Variants in GABBR1 observed in about 807,000 individuals in gnomAD.
The protein encoded by GABBR1 is GABA-B receptor, R1 subunit.
GABBR1 carries 35 observed loss-of-function variants against 117.7 expected under a neutral mutation model. The observed-to-expected ratio is 0.30, with a 90% CI of 0.23 to 0.39. The LOEUF (loss-of-function observed/expected upper bound fraction) is 0.39, where lower values mean the gene tolerates loss of function less well. Ranked by LOEUF, GABBR1 falls within the 10% of genes least tolerant of loss-of-function variation. GABBR1 has a pLI of 1.00. For synonymous variants in GABBR1, 442 were observed against 486.6 expected (o/e 0.91, Z 1.21); for missense variants, 709 against 1,241.8 (o/e 0.57, Z 6.45).
At chr6:29,616,974 C>T (rs1428464487) in intron 11 of GABBR1, among the ~76,000 whole-genome samples, 3 of 141,142 alleles carry the variant, frequency 2.1e-5, no homozygotes, top group East Asian at 2.0e-4. Flanking sequence ...GGTGAAACCC[C>T]GTCTCTACTA....
rs765540037 is a variant in GABBR1, at chr6:29,608,679, T to C, written c.1914A>G (p.Ser638=). ...NLNNLTAVGC[S]LALAAVFPLG... ...GGGGGAAGACAGCAGCTAAAGCCAG[T>C]GAGCAGCCCACAGCAGTCAGGTTGT... The change falls in exon 16 of 23, where the codon TCA becomes TCG. Residue 638 remains serine, a synonymous_variant. Transcript: ENST00000377034. The C allele has an allele frequency of 4.3e-6, 7 of 1,612,952 alleles. No individual in the cohort carries two copies. The highest frequency in any genetic ancestry group is 2.7e-5 in the African/African-American group (2 of 75,008).
At position 29,606,644 on chromosome 6, in the gene GABBR1, G is replaced by T. The variant is rs993915111; in HGVS notation, c.2218-160C>A. On this transcript the variant is annotated intron_variant, in intron 18 of 22. Transcript: ENST00000377034. This position sits in a 1 kb window ranked among gnomAD's most constrained non-coding sequence, Gnocchi z 4.5. ...AGAATGTTTTCCTGAACCCTTGGAG[G>T]TGCTTGTTCCCCACTTTCCCTGATG... 3 of 654,514 alleles carry T rather than the reference G, an allele frequency of 4.6e-6. No homozygotes were observed. Among genetic ancestry groups the T allele is most frequent in the Non-Finnish European group, 8.1e-6 (3 of 370,092 alleles). The allele number at this position is 654,514 out of a possible 1,614,324, so 40.5% of individuals were successfully genotyped here.
chr6:29,623,386 G>A lies in GABBR1; in HGVS notation c.882C>T (p.Asn294=). The change falls in exon 8 of 23, where the codon AAC becomes AAT. Residue 294 remains asparagine (N), a synonymous_variant. Coordinates refer to ENST00000377034, the MANE Select transcript of GABBR1 (RefSeq NM_001470.4). This position sits in a 1 kb window ranked among gnomAD's most constrained non-coding sequence, Gnocchi z 6.2. ...FRTHPSATLH[N]PTRVKLFEKW... ...TTTCAAAGAGTTTCACGCGGGTAGG[G>A]TTGTGGAGTGTGGCTGATGGGTGCG... is the stretch of plus-strand genomic sequence containing the variant. 1 of 1,614,168 alleles carries A rather than the reference G, an allele frequency of 6.2e-7. No individual in the cohort carries two copies. The highest frequency in any genetic ancestry group is 8.5e-7 in the Non-Finnish European group (1 of 1,180,020).
intron 11 of GABBR1, among the ~76,000 whole-genome samples, chr6:29,614,186 G>C (rs1309339149): frequency 6.6e-6 from 1 of 152,192 alleles, no homozygotes. Context: ...TGGGTCAAGA[G>C]ACCTGACTTC....
chr6:29,626,475 C>A (rs187852076), intron 6 of GABBR1, among the ~76,000 whole-genome samples: 1 of 152,088 alleles, frequency 6.6e-6, no homozygotes, highest in Non-Finnish European at 1.5e-5. Context: ...TTCCCTGCAC[C>A]CCCAATTATT....
intron 5 of GABBR1, among the ~76,000 whole-genome samples, chr6:29,628,571 G>C (rs1764616231): frequency 6.6e-6 from 1 of 151,604 alleles, no homozygotes. Flanking sequence ...AAGAAAGGGA[G>C]ACAGGACATG....
At chr6:29,612,521 T>C (rs748875750) in intron 13 of GABBR1, 30 bp downstream of exon 13, 24 of 1,600,376 alleles carry the variant, frequency 1.5e-5, no homozygotes, top group Middle Eastern at 1.7e-4. Flanking sequence ...CTAGCCCCCA[T>C]GTCCGGTCCC....
Position 29,605,494 on chromosome 6 carries a change from T to C in GABBR1, c.2439+75A>G, listed in dbSNP as rs1761852757. 6.5e-7 allele frequency: 1 copy of C among 1,540,904 alleles called. No individual in the cohort carries two copies. Among genetic ancestry groups the C allele is most frequent in the African/African-American group, 1.4e-5 (1 of 72,728 alleles). ...AAGCAACCGATCCCAGATCTAGCATTGATTCTTCCTAGTCCTCTATATCTG... is the reference window on the plus strand; with the variant it reads ...AAGCAACCGATCCCAGATCTAGCATCGATTCTTCCTAGTCCTCTATATCTG... On this transcript the variant is annotated intron_variant, in intron 20 of 22. Transcript: ENST00000377034. This position sits in a 1 kb window ranked among gnomAD's most constrained non-coding sequence, Gnocchi z 4.2.
intron 6 of GABBR1, among the ~76,000 whole-genome samples, chr6:29,626,937 AG>A (rs1764335589): frequency 2.0e-5 from 3 of 152,142 alleles, no homozygotes; most frequent in African/African-American, 7.2e-5. Flanking sequence ...AAGGATGAGA[AG>A]GAGTCAGGTA....
chr6:29,621,253 A>C lies in GABBR1; in HGVS notation c.1171T>G (p.Phe391Val). The change falls in exon 11 of 23, where the codon TTC becomes GTC. Residue 391 changes from phenylalanine to valine, a missense_variant. Phe to Val is a conservative substitution (Grantham distance 50). Transcript: ENST00000377034. This position sits in a 1 kb window ranked among gnomAD's most constrained non-coding sequence, Gnocchi z 5.0. Reference sequence around the variant, plus strand: ...TTGTCAGCATACCACCCAATGAGGAACCAGACGTACTTCTTCCCAAAGAGA... The same window carrying C: ...TTGTCAGCATACCACCCAATGAGGACCCAGACGTACTTCTTCCCAAAGAGA... ...ERLFGKKYVW[F>V]LIGWYADNWF... is the part of the protein sequence containing the mutation. 6.2e-7 allele frequency: 1 copy of C among 1,613,076 alleles called. No individual in the cohort carries two copies. Among genetic ancestry groups the C allele is most frequent in the Non-Finnish European group, 8.5e-7 (1 of 1,180,014 alleles).
At position 29,620,999 on chromosome 6, in the gene GABBR1, A is replaced by G. The variant is rs1026539555; in HGVS notation, c.1323+102T>C. 1.0e-6 allele frequency: 1 copy of G among 955,256 alleles called. No individual in the cohort carries two copies. Among genetic ancestry groups the G allele is most frequent in the Non-Finnish European group, 1.5e-6 (1 of 646,062 alleles). The allele number at this position is 955,256 out of a possible 1,614,324, so 59.2% of individuals were successfully genotyped here. On this transcript the variant is annotated intron_variant, in intron 11 of 22. Coordinates refer to ENST00000377034, the MANE Select transcript of GABBR1 (RefSeq NM_001470.4). The surrounding 1 kb of genome is among the most constrained non-coding windows in gnomAD (Gnocchi z 4.5). ...GGCACAGCCCCCTCTTCTCCTTTAT[A>G]TCCAAATTCCGCACCCTCTCCCTGC...
At chr6:29,608,957 G>A (rs1406912098) in intron 15 of GABBR1, among the ~76,000 whole-genome samples, 1 of 152,206 alleles carries the variant, frequency 6.6e-6, no homozygotes, top group Non-Finnish European at 1.5e-5. Flanking sequence ...GCCCCCACTA[G>A]AATACAGGCT....
rs753492184 is a variant in GABBR1, at chr6:29,603,691, C to T, written c.2738G>A (p.Arg913His). ...AEKEERVSEL[R>H]HQLQSRQQLR... ...CTGCTGCCGAGACTGGAGTTGATGG[C>T]GCAGTTCAGAGACACGCTCCTCTTT... Residue 913 changes from arginine (R) to histidine (H), a missense_variant, in exon 23 of 23, where the codon CGC becomes CAC. Physicochemically the swap from Arg to His is conservative, Grantham distance 29. Coordinates refer to ENST00000377034, the MANE Select transcript of GABBR1 (RefSeq NM_001470.4). 2.4e-5 allele frequency: 36 copies of T among 1,505,064 alleles called. No homozygotes were observed. Among genetic ancestry groups the T allele is most frequent in the South Asian group, 2.8e-5 (2 of 72,514 alleles). The allele number at this position is 1,505,064 out of a possible 1,614,324, so 93.2% of individuals were successfully genotyped here. A position where few individuals can be genotyped will look rare whatever the true frequency, so the allele number is the denominator to read the frequency against.
At position 29,607,141 on chromosome 6, in the gene GABBR1, C is replaced by G; in HGVS notation, c.2070G>C (p.Thr690=). 1 of 1,614,184 alleles carries G rather than the reference C, an allele frequency of 6.2e-7. No homozygotes were observed. Among genetic ancestry groups the G allele is most frequent in the Non-Finnish European group, 8.5e-7 (1 of 1,180,028 alleles). The change falls in exon 17 of 23, where the codon ACG becomes ACC. Residue 690 remains threonine, a synonymous_variant. Transcript: ENST00000377034. This position sits in a 1 kb window ranked among gnomAD's most constrained non-coding sequence, Gnocchi z 5.0. ...SMFTKIWWVH[T]VFTKKEEKKE... The stretch of plus-strand genomic sequence containing the variant: ...TCTTTTCTTCCTTCTTTGTGAAGAC[C>G]GTGTGGACCCACCAAATCTTGGTGA...
Position 29,630,606 on chromosome 6 carries a change from A to G in GABBR1, c.327T>C (p.Asn109=). The G allele has an allele frequency of 6.2e-7, 1 of 1,612,952 alleles. No homozygotes were observed. The highest frequency in any genetic ancestry group is 8.5e-7 in the Non-Finnish European group (1 of 1,179,910). The part of the protein sequence containing the change: ...ICSKSYLTLE[N]GKVFLTGGDL... ...CCCCACCCGTCAGGAAAACCTTCCC[A>G]TTTTCCAGGGTCAAATAAGACTTGG... Residue 109 remains asparagine, a synonymous_variant, in exon 4 of 23, where the codon AAT becomes AAC. Coordinates refer to ENST00000377034, the MANE Select transcript of GABBR1 (RefSeq NM_001470.4). The surrounding 1 kb of genome is among the most constrained non-coding windows in gnomAD (Gnocchi z 4.9).
At chr6:29,617,059 T>C (rs981063070) in intron 11 of GABBR1, among the ~76,000 whole-genome samples, 14 of 151,294 alleles carry the variant, frequency 9.3e-5, no homozygotes, top group Non-Finnish European at 1.5e-4. Flanking sequence ...TTTTACCTGC[T>C]ATGAAATCTC....
Position 29,632,346 on chromosome 6 carries a change from G to T in GABBR1, c.40C>A (p.Pro14Thr). Residue 14 changes from proline to threonine, a missense_variant, in exon 2 of 23, where the codon CCC becomes ACC. Around this residue, in one of 9 missense-constraint regions of GABBR1, gnomAD observed 43 missense variants for 42.8 expected, o/e 1.00. Transcript: ENST00000377034. The surrounding 1 kb of genome is among the most constrained non-coding windows in gnomAD (Gnocchi z 5.8). ...GTCTGCGCCCCGCCCGCGCCCGGGG[G>T]GCGGAGGAAGAGTGGCGCCAGTAGC... ...LLLLAPLFLR[P>T]PGAGGAQTPN... 7.3e-7 allele frequency: 1 copy of T among 1,363,544 alleles called. No individual in the cohort carries two copies. The highest frequency in any genetic ancestry group is 9.5e-7 in the Non-Finnish European group (1 of 1,053,818). The allele number at this position is 1,363,544 out of a possible 1,614,324, so 84.5% of individuals were successfully genotyped here.
rs777928454 is a variant in GABBR1 at position 29,621,844 on chromosome 6, G to A, written c.1066-27C>T. The A allele has an allele frequency of 4.3e-6, 7 of 1,612,152 alleles. No homozygotes were observed. The highest frequency in any genetic ancestry group is 5.9e-6 in the Non-Finnish European group (7 of 1,178,274). On this transcript the variant is annotated intron_variant, in intron 9 of 22. Transcript: ENST00000377034. The surrounding 1 kb of genome is among the most constrained non-coding windows in gnomAD (Gnocchi z 5.0). ...TACAACAGAGAAAGAAACAGCTCCT[G>A]AGGGATGCCCGGGAATGCCTGAGGG...
intron 5 of GABBR1, chr6:29,628,022 G>A (rs550344106): frequency 3.2e-5 from 41 of 1,282,698 alleles, no homozygotes; most frequent in Admixed American, 1.7e-4. Context: ...CTGACCGACG[G>A]AGGGGAGGAG....
Sources: allele counts gnomAD v4.1 joint callset (sites outside exome capture counted in the v4.1 genomes callset), GRCh38; gene constraint gnomAD v4.1.1; regional missense constraint gnomAD v4.1.1; non-coding constraint Gnocchi (gnomAD v3.1); transcripts MANE v1.5; gene names NCBI Gene and HGNC (gene_info 2026-07-23, HGNC 2026-07-21).